Variants in TOP1 observed in about 807,000 individuals in gnomAD.
The protein encoded by TOP1 is DNA topoisomerase I.
A neutral mutation model predicts 111.1 loss-of-function variants in TOP1; 10 were observed. The observed-to-expected ratio is 0.09, with a 90% CI of 0.06 to 0.15. The LOEUF is 0.15. Ranked by LOEUF, TOP1 falls within the 10% of genes least tolerant of loss-of-function variation. The pLI is 1.00. For missense variants in TOP1, 474 were observed against 926.7 expected, an observed-to-expected ratio of 0.51 and a Z score of 6.34; for synonymous variants, 271 against 302.9, an observed-to-expected ratio of 0.89 and a Z score of 1.10.
chr20:41,057,435 T>G (rs1053135016), intron 2 of TOP1, among the ~76,000 whole-genome samples: 11 of 152,314 alleles, frequency 7.2e-5, no homozygotes, highest in Admixed American at 5.2e-4. Context: ...GAAACCTGCC[T>G]GGAATTACTT....
rs2034077577 is a variant in TOP1, at chr20:41,102,383, G to T, written c.1308+1030G>T. Among the ~76,000 whole-genome samples, 1 of 152,198 alleles carries T rather than the reference G, an allele frequency of 6.6e-6. No homozygotes were observed. The highest frequency in any genetic ancestry group is 1.5e-5 in the Non-Finnish European group (1 of 68,034). On this transcript the variant is annotated intron_variant, in intron 13 of 20. Coordinates refer to ENST00000361337, the MANE Select transcript of TOP1 (RefSeq NM_003286.4). The surrounding 1 kb of genome is among the most constrained non-coding windows in gnomAD (Gnocchi z 4.0). ...CCAGCACTTTGGGAGGCCGAGATGG[G>T]CGGATCACCTGAGGTCAGGAGTTCG...
chr20:41,091,552 CTTTT>C (rs532948716), intron 8 of TOP1, among the ~76,000 whole-genome samples: 1 of 96,220 alleles, frequency 1.0e-5, no homozygotes, highest in Non-Finnish European at 1.9e-5. Flanking sequence ...AATTATTAAC[CTTTT>C]TTTTTTTTTT....
intron 3 of TOP1, among the ~76,000 whole-genome samples, chr20:41,064,124 C>T (rs914771104): frequency 2.6e-5 from 4 of 152,118 alleles, no homozygotes; most frequent in Admixed American, 6.6e-5. Flanking sequence ...CAGTTTTCTG[C>T]GTATGGCTAG....
rs557158087 is a variant in TOP1 at position 41,089,188 on chromosome 20, CTAATTTTTTATA to C, written c.615-3282_615-3271del. ...TACAGGCTCCCACCACCATTCCCGGCTAATTTTTTATATTTTTGGTAGAGACGGGGTTTCGCC... is the reference window on the plus strand; with the variant it reads ...TACAGGCTCCCACCACCATTCCCGGCTTTTTGGTAGAGACGGGGTTTCGCC... On this transcript the variant is annotated intron_variant, in intron 8 of 20. Transcript: ENST00000361337. 4.7e-4 allele frequency among the ~76,000 whole-genome samples: 71 copies of C among 152,056 alleles called. 1 individual carries two copies. The East Asian group carries it at 0.013, about 27-fold the overall frequency.
chr20:41,090,459 T>TGA (rs1035538324), intron 8 of TOP1, among the ~76,000 whole-genome samples: 1 of 152,228 alleles, frequency 6.6e-6, no homozygotes, highest in Non-Finnish European at 1.5e-5. Context: ...TTCACTCTCT[T>TGA]GAAGTGTCCT....
intron 3 of TOP1, among the ~76,000 whole-genome samples, chr20:41,066,554 TTTC>T (rs1420375851): frequency 1.4e-5 from 2 of 141,486 alleles, no homozygotes; most frequent in African/African-American, 5.4e-5. Flanking sequence ...CCTCTTTTCT[TTTC>T]TTTTTTTTTT....
chr20:41,055,008 C>A (rs1328655333), intron 2 of TOP1, among the ~76,000 whole-genome samples: 7 of 152,166 alleles, frequency 4.6e-5, no homozygotes, highest in Non-Finnish European at 2.9e-5. Flanking sequence ...GATGTTGATT[C>A]CTGTTCTATC....
chr20:41,107,190 A>C (rs146938121), intron 13 of TOP1, among the ~76,000 whole-genome samples: 16 of 152,294 alleles, frequency 1.1e-4, no homozygotes, highest in Admixed American at 3.3e-4. Context: ...TGGTTTCACT[A>C]TGCTGTATCC....
chr20:41,092,598 T>C lies in TOP1; in HGVS notation c.730+11T>C. 1 of 1,359,390 alleles carries C rather than the reference T, an allele frequency of 7.4e-7. No individual in the cohort carries two copies. Among genetic ancestry groups the C allele is most frequent in the Non-Finnish European group, 1.0e-6 (1 of 971,352 alleles). 84.2% of individuals were successfully genotyped at this position (1,359,390 alleles called of 1,614,324 possible). A position where few individuals can be genotyped will look rare whatever the true frequency, so the allele number is the denominator to read the frequency against. ...AGTTTTATTATGATGGTGAGTTGTT[T>C]CAAGGTTCTTGATTCTTGGCCAGGA... On this transcript the variant is annotated intron_variant, in intron 9 of 20. Coordinates refer to ENST00000361337, the MANE Select transcript of TOP1 (RefSeq NM_003286.4). The surrounding 1 kb of genome is among the most constrained non-coding windows in gnomAD (Gnocchi z 4.3).
At position 41,054,554 on chromosome 20, in the gene TOP1, A is replaced by G. The variant is rs550793634; in HGVS notation, c.59-6840A>G. Among the ~76,000 whole-genome samples the G allele has an allele frequency of 2.5e-4, 38 of 152,340 alleles. 1 individual carries two copies. The highest frequency in any genetic ancestry group is 8.4e-4 in the African/African-American group (35 of 41,574). On this transcript the variant is annotated intron_variant, in intron 2 of 20. Transcript: ENST00000361337. ...TTTTGTGAACTGGGACTATTTCTCTATCGTAAGAGTGGTAAGAAACTTGAG... is the reference window on the plus strand; with the variant it reads ...TTTTGTGAACTGGGACTATTTCTCTGTCGTAAGAGTGGTAAGAAACTTGAG...
rs764649035 is a variant in TOP1 at position 41,029,453 on chromosome 20, A to T, written c.56A>T (p.Asn19Ile). 1.3e-6 allele frequency: 2 copies of T among 1,512,818 alleles called. No individual in the cohort carries two copies. Among genetic ancestry groups the T allele is most frequent in the South Asian group, 1.2e-5 (1 of 80,388 alleles). The allele number at this position is 1,512,818 out of a possible 1,614,324, so 93.7% of individuals were successfully genotyped here. A position where few individuals can be genotyped will look rare whatever the true frequency, so the allele number is the denominator to read the frequency against. ...DSQIEADFRL[N>I]DSHKHKDKHK... ...CAGATCGAAGCGGATTTCCGATTGA[A>T]TGGTGAGTGTGCCCCCTGCGCCGAC... Residue 19 changes from asparagine to isoleucine, a missense_variant and splice_region_variant, in exon 2 of 21, where the codon AAT becomes ATT. By Grantham distance (149) the Asn-to-Ile change is moderately radical. Transcript: ENST00000361337. This position sits in a 1 kb window ranked among gnomAD's most constrained non-coding sequence, Gnocchi z 6.1.
At chr20:41,104,495 G>T (rs1429324664) in intron 13 of TOP1, among the ~76,000 whole-genome samples, 3 of 152,202 alleles carry the variant, frequency 2.0e-5, no homozygotes, top group Non-Finnish European at 4.4e-5. Context: ...CTCTCTGAGG[G>T]CTGAGATCCT....
chr20:41,074,384 C>G (rs759571041), intron 3 of TOP1, among the ~76,000 whole-genome samples: 36 of 152,150 alleles, frequency 2.4e-4, no homozygotes, highest in Middle Eastern at 6.8e-3. Flanking sequence ...GAATTTTCCT[C>G]CTATAGAAAC....
In TOP1 at chr20:41,123,518, G is replaced by T; in HGVS notation, c.*221G>T. 1 of 430,792 alleles carries T rather than the reference G, an allele frequency of 2.3e-6. No homozygotes were observed. The highest frequency in any genetic ancestry group is 4.1e-6 in the Non-Finnish European group (1 of 244,028). 26.7% of individuals were successfully genotyped at this position (430,792 alleles called of 1,614,324 possible). ...AAATATTTCAGATATCAAAATTCTA[G>T]CTGTATGATTTGTTTTGAATTTTGT... On this transcript the variant is annotated 3_prime_UTR_variant, in exon 21 of 21. Coordinates refer to ENST00000361337, the MANE Select transcript of TOP1 (RefSeq NM_003286.4). This position sits in a 1 kb window ranked among gnomAD's most constrained non-coding sequence, Gnocchi z 5.8.
At position 41,107,763 on chromosome 20, in the gene TOP1, C is replaced by G. The variant is rs572149791; in HGVS notation, c.1309-5019C>G. ...TCTTTTGAAATTTCTGTTTGTAAGC[C>G]CTTTTAACTGGGAGGTGTTTTTTGC... On this transcript the variant is annotated intron_variant, in intron 13 of 20. Coordinates refer to ENST00000361337, the MANE Select transcript of TOP1 (RefSeq NM_003286.4). Among the ~76,000 whole-genome samples, 127 of 152,092 alleles carry G rather than the reference C, an allele frequency of 8.4e-4. 1 individual carries two copies. The highest frequency in any genetic ancestry group is 3.4e-3 in the Middle Eastern group (1 of 294).
At chr20:41,065,964 GA>G (rs913662003) in intron 3 of TOP1, among the ~76,000 whole-genome samples, 6 of 149,420 alleles carry the variant, frequency 4.0e-5, no homozygotes, top group South Asian at 4.2e-4. Context: ...GATGTGGTGT[GA>G]AAAAAAAAAT....
intron 2 of TOP1, among the ~76,000 whole-genome samples, chr20:41,035,182 C>G (rs964302942): frequency 4.1e-4 from 63 of 152,188 alleles, no homozygotes; most frequent in African/African-American, 1.5e-3. Flanking sequence ...CTGTGCCTGA[C>G]CCTTAATTTC....
intron 9 of TOP1, among the ~76,000 whole-genome samples, chr20:41,096,939 C>T (rs979583941): frequency 1.3e-5 from 2 of 152,084 alleles, no homozygotes; most frequent in Non-Finnish European, 2.9e-5. Flanking sequence ...GTGACTGGGC[C>T]TCCCCCAGGT....
Position 41,123,249 on chromosome 20 carries a change from G to A in TOP1, c.2250G>A (p.Glu750=), listed in dbSNP as rs772337012. 1.2e-6 allele frequency: 2 copies of A among 1,614,062 alleles called. No homozygotes were observed. The highest frequency in any genetic ancestry group is 2.2e-5 in the East Asian group (1 of 44,898). Residue 750 remains glutamate, a synonymous_variant, in exon 21 of 21, where the codon GAG becomes GAA. Coordinates refer to ENST00000361337, the MANE Select transcript of TOP1 (RefSeq NM_003286.4). The surrounding 1 kb of genome is among the most constrained non-coding windows in gnomAD (Gnocchi z 5.8). ...IEKIYNKTQR[E]KFAWAIDMAD... is the part of the protein sequence containing the mutation. ...AGATTTACAACAAAACCCAGCGGGA[G>A]AAGTTTGCCTGGGCCATTGACATGG...
Sources: allele counts gnomAD v4.1 joint callset (sites outside exome capture counted in the v4.1 genomes callset), GRCh38; gene constraint gnomAD v4.1.1; non-coding constraint Gnocchi (gnomAD v3.1); transcripts MANE v1.5; gene names NCBI Gene and HGNC (gene_info 2026-07-23, HGNC 2026-07-21).